Variants in ARHGAP10 observed in about 807,000 individuals in gnomAD.
The protein encoded by ARHGAP10 is Rho GTPase activating protein 10.
In ARHGAP10, 87 loss-of-function variants were observed where a neutral mutation model predicts 108.6. The observed-to-expected ratio is 0.80, with a 90% CI of 0.67 to 0.96. ARHGAP10 has a LOEUF of 0.96. Ranked by LOEUF, ARHGAP10 falls within the 40% of genes least tolerant of loss-of-function variation. The pLI is 0.00. For missense variants in ARHGAP10, 939 were observed against 954.5 expected (o/e 0.98, Z 0.21); for synonymous variants, 347 against 341.1 (o/e 1.02, Z -0.19).
Position 147,988,743 on chromosome 4 carries a change from C to G in ARHGAP10, c.1716+21904C>G, listed in dbSNP as rs184600152. On this transcript the variant is annotated intron_variant, in intron 18 of 22. Coordinates refer to ENST00000336498, the MANE Select transcript of ARHGAP10 (RefSeq NM_024605.4). ...AGCCTTTGTGGCCTTTTAGTGTTGA[C>G]TTTTCCCCCACACTTCCGTGTAGGA... Among the ~76,000 whole-genome samples, 7 of 152,264 alleles carry G rather than the reference C, an allele frequency of 4.6e-5. No individual in the cohort carries two copies. The East Asian group carries it at 1.4e-3, about 29-fold the overall frequency.
At chr4:147,865,023 T>C in intron 6 of ARHGAP10, 67 bp downstream of exon 6, 1 of 1,384,512 alleles carries the variant, frequency 7.2e-7, no homozygotes, top group Non-Finnish European at 1.0e-6. Context: ...TTTTCCTAGA[T>C]CTGATTTATG....
At chr4:147,880,979 A>G (rs530788762) in intron 9 of ARHGAP10, among the ~76,000 whole-genome samples, 14 of 152,374 alleles carry the variant, frequency 9.2e-5, no homozygotes, top group Admixed American at 6.5e-4. Flanking sequence ...TCTACCTTTG[A>G]AAATTAACAT....
chr4:147,876,119 T>TA (rs1344570909), intron 8 of ARHGAP10, among the ~76,000 whole-genome samples: 2 of 152,224 alleles, frequency 1.3e-5, no homozygotes, highest in Admixed American at 1.3e-4. Flanking sequence ...GAATAGAAGT[T>TA]AATGTTCTAT....
At chr4:147,860,506 C>T (rs897761889) in intron 5 of ARHGAP10, among the ~76,000 whole-genome samples, 8 of 152,154 alleles carry the variant, frequency 5.3e-5, no homozygotes, top group Non-Finnish European at 5.9e-5. Flanking sequence ...ACCATGCTGG[C>T]TATTTTGGCA....
intron 14 of ARHGAP10, among the ~76,000 whole-genome samples, chr4:147,942,805 T>TG (rs1193160349): frequency 6.6e-6 from 1 of 152,266 alleles, no homozygotes; most frequent in Non-Finnish European, 1.5e-5. Context: ...TCTTCCCCTC[T>TG]GGGAGCCTAA....
intron 7 of ARHGAP10, among the ~76,000 whole-genome samples, chr4:147,869,571 G>A (rs1734713323): frequency 6.6e-6 from 1 of 150,432 alleles, no homozygotes; most frequent in Admixed American, 6.6e-5. Flanking sequence ...ATGGGGAAAT[G>A]ACAGTTTATT....
intron 1 of ARHGAP10, among the ~76,000 whole-genome samples, chr4:147,760,987 G>C (rs564855448): frequency 4.6e-5 from 7 of 152,016 alleles, no homozygotes; most frequent in African/African-American, 1.7e-4. Context: ...TAGGTAAAAA[G>C]AGGCAGTTTA....
rs1440751648 is a variant in ARHGAP10 at position 148,069,722 on chromosome 4, C to T, written c.2273-2271C>T. Among the ~76,000 whole-genome samples the T allele has an allele frequency of 2.0e-5, 3 of 152,274 alleles. No homozygotes were observed. In the East Asian group the frequency reaches 5.8e-4, roughly 29 times the overall value. ...GTAACCCCGTATTGCAGGTAACAGCCGAGCAAGGCCCAGGGGTTAATTTCC... is the reference window on the plus strand; with the variant it reads ...GTAACCCCGTATTGCAGGTAACAGCTGAGCAAGGCCCAGGGGTTAATTTCC... On this transcript the variant is annotated intron_variant, in intron 22 of 22. Transcript: ENST00000336498.
chr4:147,833,552 A>G (rs1733039306), intron 3 of ARHGAP10, among the ~76,000 whole-genome samples: 1 of 152,216 alleles, frequency 6.6e-6, no homozygotes, highest in Non-Finnish European at 1.5e-5. Context: ...CCAGATTTTG[A>G]TGACTGAGAT....
intron 7 of ARHGAP10, among the ~76,000 whole-genome samples, chr4:147,867,379 C>T (rs1246816955): frequency 6.6e-6 from 1 of 152,122 alleles, no homozygotes; most frequent in African/African-American, 2.4e-5. Flanking sequence ...TATGTTTTTC[C>T]TCTCAGTGCT....
intron 1 of ARHGAP10, among the ~76,000 whole-genome samples, chr4:147,766,904 A>G (rs1579018607): frequency 1.3e-5 from 2 of 148,458 alleles, no homozygotes; most frequent in African/African-American, 5.1e-5. Context: ...GAGTGAGTGC[A>G]GTAGTGTGAT....
chr4:147,987,624 C>T (rs1010589210), intron 18 of ARHGAP10, among the ~76,000 whole-genome samples: 14 of 152,192 alleles, frequency 9.2e-5, no homozygotes, highest in African/African-American at 3.4e-4. Flanking sequence ...TATCAGACTG[C>T]GATCTGAGCT....
intron 22 of ARHGAP10, 114 bp from the exon 23 acceptor site, chr4:148,071,879 C>T (rs1730197931): frequency 1.3e-6 from 1 of 794,842 alleles, no homozygotes; most frequent in Non-Finnish European, 2.0e-6. Context: ...CCCAACATCC[C>T]AGAAGTGGCC....
At chr4:147,785,310 A>T (rs1042423125) in intron 1 of ARHGAP10, among the ~76,000 whole-genome samples, 1 of 152,028 alleles carries the variant, frequency 6.6e-6, no homozygotes, top group African/African-American at 2.4e-5. Context: ...TCTCCAATCC[A>T]GTGCTCCATT....
At chr4:148,009,357 C>T (rs182408020) in intron 18 of ARHGAP10, among the ~76,000 whole-genome samples, 106 of 152,276 alleles carry the variant, frequency 7.0e-4, no homozygotes, top group African/African-American at 2.5e-3. Flanking sequence ...GTCTCCAACT[C>T]CTGACCTCAA....
chr4:147,864,110 C>T (rs1049968362), intron 5 of ARHGAP10: 1 of 152,142 alleles, frequency 6.6e-6, no homozygotes, highest in Admixed American at 6.5e-5. Flanking sequence ...CACATGATAC[C>T]TAGTAAGAAT....
chr4:147,808,205 A>G (rs1731864041), intron 1 of ARHGAP10, among the ~76,000 whole-genome samples: 1 of 152,152 alleles, frequency 6.6e-6, no homozygotes, highest in Non-Finnish European at 1.5e-5. Context: ...GAGCCCACTG[A>G]GAGCTGGCAG....
chr4:148,047,542 A>T (rs960320090), intron 20 of ARHGAP10, among the ~76,000 whole-genome samples: 3 of 152,220 alleles, frequency 2.0e-5, no homozygotes, highest in African/African-American at 7.2e-5. Context: ...TTATCTTCTC[A>T]GTTTGGTTTA....
chr4:147,800,536 AG>A (rs745507470), intron 1 of ARHGAP10, among the ~76,000 whole-genome samples: 1 of 152,178 alleles, frequency 6.6e-6, no homozygotes, highest in Non-Finnish European at 1.5e-5. Context: ...TCTGGGTCAT[AG>A]GAATGAGCCT....
Sources: allele counts gnomAD v4.1 joint callset (sites outside exome capture counted in the v4.1 genomes callset), GRCh38; gene constraint gnomAD v4.1.1; transcripts MANE v1.5; gene names NCBI Gene and HGNC (gene_info 2026-07-23, HGNC 2026-07-21).